SEC14L1: variants seen among roughly 807,000 people sequenced by gnomAD.
SEC14L1 encodes SEC14-like protein 1.
A neutral mutation model predicts 85.3 loss-of-function variants in SEC14L1; 48 were observed. That is an observed-to-expected ratio of 0.56 (90% CI 0.45 to 0.72). The LOEUF is 0.72. SEC14L1 is among the 30% of genes least tolerant of loss of function. SEC14L1 has a pLI of 0.00. For missense variants in SEC14L1, 682 were observed against 921.4 expected (o/e 0.74, Z 3.36); for synonymous variants, 391 against 355.5 (o/e 1.10, Z -1.12).
rs758302839 is a variant in SEC14L1 at position 77,209,426 on chromosome 17, A to C, written c.1561A>C (p.Thr521Pro). 1.7e-5 allele frequency: 28 copies of C among 1,614,158 alleles called. No individual in the cohort carries two copies. The South Asian group carries it at 3.1e-4, about 18-fold the overall frequency. The change falls in exon 14 of 17, where the codon ACT becomes CCT. Residue 521 changes from threonine (T) to proline (P), a missense_variant. Physicochemically the swap from Thr to Pro is conservative, Grantham distance 38 (BLOSUM62 -1). Transcript: ENST00000436233. ...GGAGAACGAAGACCTGAAGCTCTGG[A>C]CTGAGACCATCTACCAGTCTGCAAG... is the stretch of plus-strand genomic sequence containing the variant. Reference protein sequence around the residue: ...ELENEDLKLWTETIYQSASVF... With the variant: ...ELENEDLKLWPETIYQSASVF...
rs751760592 is a variant in SEC14L1, at chr17:77,213,413, G to A, written c.1963G>A (p.Val655Met). 32 of 1,613,246 alleles carry A rather than the reference G, an allele frequency of 2.0e-5. No homozygotes were observed. In the Middle Eastern group the frequency reaches 6.6e-4, roughly 33 times the overall value. Residue 655 changes from valine (V) to methionine (M), a missense_variant, in exon 16 of 17, where the codon GTG becomes ATG. This residue lies in a region of SEC14L1 where 420 missense variants were observed against 619.5 expected (regional missense o/e 0.68). Coordinates refer to ENST00000436233, the MANE Select transcript of SEC14L1 (RefSeq NM_001143998.2). The surrounding 1 kb of genome is among the most constrained non-coding windows in gnomAD (Gnocchi z 7.1). Reference protein sequence around the residue: ...AASSLPRVDDVLASLQVSSHK... With the variant: ...AASSLPRVDDMLASLQVSSHK... ...CAGCAGCCTTCCCCGGGTGGACGAC[G>A]TGCTTGCGTCCCTGCAGGTCTCTTC...
At chr17:77,183,833 A>ATT (rs35363686) in intron 3 of SEC14L1, among the ~76,000 whole-genome samples, 5 of 148,100 alleles carry the variant, frequency 3.4e-5, no homozygotes, top group East Asian at 2.0e-4. Flanking sequence ...AGACTCTGAC[A>ATT]TTTTTTTTTT....
In SEC14L1 at chr17:77,191,232, C is replaced by G. The variant is rs575025415; in HGVS notation, c.265C>G (p.Arg89Gly). The change falls in exon 5 of 17, where the codon CGG becomes GGG. Residue 89 changes from arginine (R) to glycine (G), a missense_variant. By Grantham distance (125) the Arg-to-Gly change is moderately radical. Around this residue, in one of 3 missense-constraint regions of SEC14L1, gnomAD observed 139 missense variants for 201.3 expected, o/e 0.69. Transcript: ENST00000436233. ...YFVQKNSLNSRERTLHIEAYN... is the reference protein window; with the variant it reads ...YFVQKNSLNSGERTLHIEAYN... ...TGTCCAGAAAAACTCACTGAATTCT[C>G]GGGAACGTACTTTGCACATTGAGGC... is the stretch of plus-strand genomic sequence containing the variant. The G allele has an allele frequency of 6.2e-7, 1 of 1,613,298 alleles. No individual in the cohort carries two copies. Among genetic ancestry groups the G allele is most frequent in the African/African-American group, 1.3e-5 (1 of 74,806 alleles).
intron 3 of SEC14L1, among the ~76,000 whole-genome samples, chr17:77,105,590 G>A (rs1472549227): frequency 6.6e-6 from 1 of 152,096 alleles, no homozygotes; most frequent in Non-Finnish European, 1.5e-5. Flanking sequence ...GTGTCAGGGA[G>A]GAAAAACTTT....
At chr17:77,194,577 C>A in intron 6 of SEC14L1, 100 bp from the exon 7 acceptor site, 2 of 824,294 alleles carry the variant, frequency 2.4e-6, no homozygotes, top group Non-Finnish European at 3.9e-6. Flanking sequence ...TTGTGAGGCT[C>A]ACCATCTTCC....
Position 77,194,910 on chromosome 17 carries a change from C to T in SEC14L1, c.708C>T (p.Asp236=), listed in dbSNP as rs761679421. The change falls in exon 7 of 17, where the codon GAC becomes GAT. Residue 236 remains aspartate (D), a splice_region_variant and synonymous_variant. Transcript: ENST00000436233. ...SAPEPVVGTP[D]DKLDADYIKR... Reference sequence around the variant, plus strand: ...CTGAGCCCGTGGTGGGCACCCCTGACGGTGGGTCTGGCAGGGGCTTCATCC... The same window carrying T: ...CTGAGCCCGTGGTGGGCACCCCTGATGGTGGGTCTGGCAGGGGCTTCATCC... 3.0e-5 allele frequency: 48 copies of T among 1,611,810 alleles called. No homozygotes were observed. Among genetic ancestry groups the T allele is most frequent in the South Asian group, 4.4e-5 (4 of 91,048 alleles).
At chr17:77,176,754 T>C (rs2143715419) in intron 3 of SEC14L1, among the ~76,000 whole-genome samples, 1 of 152,102 alleles carries the variant, frequency 6.6e-6, no homozygotes, top group Middle Eastern at 3.4e-3. Context: ...GCCCGGCTAG[T>C]TGTTGTATTT....
chr17:77,214,523 C>T lies in SEC14L1; in HGVS notation c.*500C>T, dbSNP rs1976942691. 5 of 996,896 alleles carry T rather than the reference C, an allele frequency of 5.0e-6. No individual in the cohort carries two copies. The highest frequency in any genetic ancestry group is 6.0e-6 in the Non-Finnish European group (5 of 836,236). The allele number at this position is 996,896 out of a possible 1,614,324, so 61.8% of individuals were successfully genotyped here. On this transcript the variant is annotated 3_prime_UTR_variant, in exon 17 of 17. Coordinates refer to ENST00000436233, the MANE Select transcript of SEC14L1 (RefSeq NM_001143998.2). ...CCCGCCAGTCAAGATGGTCTGTGGA[C>T]TTAGGGCCAGCCCTTGAGGTCCTTA...
In SEC14L1 at chr17:77,214,270, G is replaced by A. The variant is rs185365039; in HGVS notation, c.*247G>A. On this transcript the variant is annotated 3_prime_UTR_variant, in exon 17 of 17. Coordinates refer to ENST00000436233, the MANE Select transcript of SEC14L1 (RefSeq NM_001143998.2). ...GTTGTGCACAAAATCCAACCAGAGC[G>A]CAAGGGCTCTCTTGAAAGAAAAGTA... The A allele has an allele frequency of 3.8e-5, 49 of 1,301,266 alleles. No homozygotes were observed. The Admixed American group carries it at 1.1e-3, about 29-fold the overall frequency. 80.6% of individuals were successfully genotyped at this position (1,301,266 alleles called of 1,614,324 possible).
At chr17:77,182,164 A>G (rs755382593) in intron 3 of SEC14L1, among the ~76,000 whole-genome samples, 1 of 152,214 alleles carries the variant, frequency 6.6e-6, no homozygotes, top group Non-Finnish European at 1.5e-5. Flanking sequence ...AACATAGCTC[A>G]TGTTAAAGGT....
At chr17:77,129,881 C>A (rs1032171618) in intron 3 of SEC14L1, among the ~76,000 whole-genome samples, 1 of 152,086 alleles carries the variant, frequency 6.6e-6, no homozygotes, top group South Asian at 2.1e-4. Context: ...GTTTATGACC[C>A]GCAGCTGCAC....
rs989808073 is a variant in SEC14L1, at chr17:77,215,034, CT to C, written c.*1014del. On this transcript the variant is annotated 3_prime_UTR_variant, in exon 17 of 17. Coordinates refer to ENST00000436233, the MANE Select transcript of SEC14L1 (RefSeq NM_001143998.2). ...CGTGTGGCATGTAGGAGTCCTGCTT[CT>C]TTGTACATGGGAATTGTGGACTCAT... 276 of 985,424 alleles carry C rather than the reference CT, an allele frequency of 2.8e-4. No individual in the cohort carries two copies. The African/African-American group carries it at 4.4e-3, about 16-fold the overall frequency. 61.0% of individuals were successfully genotyped at this position (985,424 alleles called of 1,614,324 possible). A position where few individuals can be genotyped will look rare whatever the true frequency, so the allele number is the denominator to read the frequency against.
rs1977014936 is a variant in SEC14L1, at chr17:77,215,815, G to A, written c.*1792G>A. On this transcript the variant is annotated 3_prime_UTR_variant, in exon 17 of 17. Coordinates refer to ENST00000436233, the MANE Select transcript of SEC14L1 (RefSeq NM_001143998.2). ...TAGGTAGGGTTCGTAGGTAGGGCTG[G>A]TAGGTAGGGTTAGTAGGTAGGGCTA... 4 of 949,230 alleles carry A rather than the reference G, an allele frequency of 4.2e-6. No homozygotes were observed. 58.8% of individuals were successfully genotyped at this position (949,230 alleles called of 1,614,324 possible).
At position 77,216,540 on chromosome 17, in the gene SEC14L1, G is replaced by C. The variant is rs1977110123; in HGVS notation, c.*2517G>C. The C allele has an allele frequency of 1.2e-6, 2 of 1,613,098 alleles. No individual in the cohort carries two copies. Among genetic ancestry groups the C allele is most frequent in the African/African-American group, 1.3e-5 (1 of 74,766 alleles). On this transcript the variant is annotated 3_prime_UTR_variant, in exon 17 of 17. Coordinates refer to ENST00000436233, the MANE Select transcript of SEC14L1 (RefSeq NM_001143998.2). ...CCCTGCTTTCTCTTTCTCTTTCTCT[G>C]TGTCTCAGATGGCGATTTTGCTGAC...
intron 8 of SEC14L1, chr17:77,199,452 G>T: frequency 6.2e-6 from 1 of 161,238 alleles, no homozygotes; most frequent in South Asian, 1.5e-4. Flanking sequence ...GTGGAGATGT[G>T]GCCCAGTCTT....
At chr17:77,203,729 G>C in intron 10 of SEC14L1, 71 bp downstream of exon 10, 2 of 1,127,616 alleles carry the variant, frequency 1.8e-6, no homozygotes, top group Admixed American at 2.0e-5. Flanking sequence ...TAGGATTGGG[G>C]TGTTAACCAG....
upstream of SEC14L1, among the ~76,000 whole-genome samples, chr17:77,140,551 G>A (rs1330014143): frequency 6.6e-6 from 1 of 152,220 alleles, no homozygotes; most frequent in Non-Finnish European, 1.5e-5. Context: ...GGAGGGCCCC[G>A]GTGGTTTTGA....
At position 77,214,471 on chromosome 17, in the gene SEC14L1, G is replaced by T. The variant is rs577510339; in HGVS notation, c.*448G>T. ...CTTCCCCCAAGCTGCCTCATGGCCC[G>T]CACGCCGCCTCACGGCCCCCATGCT... is the stretch of plus-strand genomic sequence containing the variant. On this transcript the variant is annotated 3_prime_UTR_variant, in exon 17 of 17. Transcript: ENST00000436233. 4.0e-6 allele frequency: 4 copies of T among 1,000,174 alleles called. No individual in the cohort carries two copies. Among genetic ancestry groups the T allele is most frequent in the Non-Finnish European group, 4.8e-6 (4 of 838,356 alleles). The allele number at this position is 1,000,174 out of a possible 1,614,324, so 62.0% of individuals were successfully genotyped here.
At chr17:77,190,764 C>T (rs1374316815) in intron 3 of SEC14L1, 39 bp from the exon 4 acceptor site, 1 of 1,610,470 alleles carries the variant, frequency 6.2e-7, no homozygotes, top group Non-Finnish European at 8.5e-7. Context: ...CAGGTTGTGT[C>T]TTTGCTCACT....
Sources: gnomAD v4.1 joint callset for allele counts (sites outside exome capture counted in the v4.1 genomes callset) on GRCh38, gnomAD v4.1.1 for gene constraint, gnomAD v4.1.1 regional missense constraint, Gnocchi (gnomAD v3.1) non-coding constraint, MANE v1.5 for transcripts, NCBI Gene and HGNC (gene_info 2026-07-23, HGNC 2026-07-21) for gene names.